The following PARP8 variants were observed in gnomAD, a reference collection of about 807,000 sequenced individuals.
The protein encoded by PARP8 is protein mono-ADP-ribosyltransferase PARP8.
PARP8 carries 51 observed loss-of-function variants against 124.1 expected under a neutral mutation model. The observed-to-expected ratio is 0.41, with a 90% CI of 0.33 to 0.52. PARP8 has a LOEUF of 0.52. Ranked by LOEUF, PARP8 falls within the 20% of genes least tolerant of loss-of-function variation. The pLI, the probability that PARP8 is intolerant of heterozygous loss-of-function variation, is 0.21. For missense variants in PARP8, 860 were observed against 1,018.9 expected, an observed-to-expected ratio of 0.84 and a Z score of 2.12; for synonymous variants, 391 against 361.5, an observed-to-expected ratio of 1.08 and a Z score of -0.93.
intron 19 of PARP8, among the ~76,000 whole-genome samples, chr5:50,827,364 A>C (rs542669468): frequency 1.3e-5 from 2 of 152,146 alleles, no homozygotes; most frequent in Non-Finnish European, 2.9e-5. Context: ...TATTCCTAAG[A>C]GAAAGGGAAA....
At chr5:50,677,615 T>C (rs186639211) in intron 2 of PARP8, among the ~76,000 whole-genome samples, 2 of 151,934 alleles carry the variant, frequency 1.3e-5, no homozygotes, top group Non-Finnish European at 2.9e-5. Flanking sequence ...TTTAAACTTA[T>C]TTTTTTTGTA....
In PARP8 at chr5:50,844,055, G is replaced by A. The variant is rs758478201; in HGVS notation, c.*1987G>A. 1.3e-5 allele frequency: 2 copies of A among 151,728 alleles called. No homozygotes were observed. Among genetic ancestry groups the A allele is most frequent in the African/African-American group, 2.4e-5 (1 of 41,378 alleles). The allele number at this position is 151,728 out of a possible 1,614,324, so 9.4% of individuals were successfully genotyped here. Reference sequence around the variant, plus strand: ...ACTTAACATTGGAGTGATCCGTAAAGAATATAGTATTGGAGTCTGAACTGG... The same window carrying A: ...ACTTAACATTGGAGTGATCCGTAAAAAATATAGTATTGGAGTCTGAACTGG... On this transcript the variant is annotated 3_prime_UTR_variant, in exon 26 of 26. Coordinates refer to ENST00000281631, the MANE Select transcript of PARP8 (RefSeq NM_024615.4).
chr5:50,760,419 C>T lies in PARP8; in HGVS notation c.345+57C>T. On this transcript the variant is annotated intron_variant, in intron 5 of 25. Transcript: ENST00000281631. ...ACAGTATAGATATATTTAAAATTTA[C>T]TGGGTTTTTGTAGTTAATAGCATCA... 3 of 1,264,230 alleles carry T rather than the reference C, an allele frequency of 2.4e-6. No individual in the cohort carries two copies. In the South Asian group the frequency reaches 5.2e-5, roughly 22 times the overall value. 78.3% of individuals were successfully genotyped at this position (1,264,230 alleles called of 1,614,324 possible).
rs376043233 is a variant in PARP8 at position 50,811,596 on chromosome 5, T to G, written c.1576-3836T>G. 3.5e-3 allele frequency among the ~76,000 whole-genome samples: 493 copies of G among 140,884 alleles called. 1 individual carries two copies. The highest frequency in any genetic ancestry group is 5.2e-3 in the Non-Finnish European group (351 of 66,960). The allele number at this position is 140,884 out of a possible 152,430, so 92.4% of individuals were successfully genotyped here. A position where few individuals can be genotyped will look rare whatever the true frequency, so the allele number is the denominator to read the frequency against. ...TATTTCATTTTATTTCCATTGGGTG[T>G]TTTTTTTTTATTCTTTAAGTTCTAG... On this transcript the variant is annotated intron_variant, in intron 14 of 25. Coordinates refer to ENST00000281631, the MANE Select transcript of PARP8 (RefSeq NM_024615.4).
chr5:50,773,950 A>G (rs1364763053), intron 7 of PARP8, among the ~76,000 whole-genome samples: 8 of 152,028 alleles, frequency 5.3e-5, no homozygotes, highest in African/African-American at 1.2e-4. Flanking sequence ...CACGTGGACA[A>G]AGGTCTCTGG....
intron 9 of PARP8, among the ~76,000 whole-genome samples, chr5:50,780,444 C>A (rs1465154735): frequency 6.6e-6 from 1 of 152,168 alleles, no homozygotes; most frequent in Non-Finnish European, 1.5e-5. Flanking sequence ...TAAGATGATA[C>A]TGAAGCATGC....
rs201631988 is a variant in PARP8, at chr5:50,843,100, C to T, written c.*1032C>T. The T allele has an allele frequency of 4.0e-5, 6 of 151,682 alleles. No individual in the cohort carries two copies. The highest frequency in any genetic ancestry group is 1.5e-4 in the African/African-American group (6 of 41,370). The allele number at this position is 151,682 out of a possible 1,614,324, so 9.4% of individuals were successfully genotyped here. A position where few individuals can be genotyped will look rare whatever the true frequency, so the allele number is the denominator to read the frequency against. On this transcript the variant is annotated 3_prime_UTR_variant, in exon 26 of 26. Transcript: ENST00000281631. ...TTTTCATATTGAGAAAGAACACAAA[C>T]TTGATGCTTCTTTTATATTAAAAGA...
In PARP8 at chr5:50,759,162, G is replaced by A. The variant is rs1218912088; in HGVS notation, c.185-481G>A. Among the ~76,000 whole-genome samples the A allele has an allele frequency of 4.6e-5, 7 of 152,068 alleles. No homozygotes were observed. In the East Asian group the frequency reaches 5.8e-4, roughly 13 times the overall value. The stretch of plus-strand genomic sequence containing the variant: ...TCAAACTCCTGACCTCGAGTGACCC[G>A]CCTGCCTAGGCCTCCCAAAGAGCTA... On this transcript the variant is annotated intron_variant, in intron 3 of 25. Coordinates refer to ENST00000281631, the MANE Select transcript of PARP8 (RefSeq NM_024615.4).
At chr5:50,836,967 T>C (rs983537520) in intron 25 of PARP8, among the ~76,000 whole-genome samples, 1 of 152,162 alleles carries the variant, frequency 6.6e-6, no homozygotes, top group Non-Finnish European at 1.5e-5. Context: ...TTGAGCCAAA[T>C]AAACAACCTT....
intron 7 of PARP8, among the ~76,000 whole-genome samples, chr5:50,768,959 G>C (rs1288490883): frequency 6.6e-6 from 1 of 152,176 alleles, no homozygotes; most frequent in African/African-American, 2.4e-5. Context: ...ACTATTTATA[G>C]ATCTACACCT....
At chr5:50,678,303 A>C (rs1404531596) in intron 2 of PARP8, among the ~76,000 whole-genome samples, 1 of 152,204 alleles carries the variant, frequency 6.6e-6, no homozygotes, top group Non-Finnish European at 1.5e-5. Context: ...CTGTGTTTGA[A>C]TATTGAGCTT....
At chr5:50,694,293 G>T (rs1752800015) in intron 2 of PARP8, among the ~76,000 whole-genome samples, 1 of 152,228 alleles carries the variant, frequency 6.6e-6, no homozygotes, top group Non-Finnish European at 1.5e-5. Context: ...TGGGATATTA[G>T]AATTCTTTTT....
In PARP8 at chr5:50,779,996, T is replaced by G. The variant is rs373428811; in HGVS notation, c.670+1346T>G. The stretch of plus-strand genomic sequence containing the variant: ...GTTTAAAATATTTTTATTCTGATAA[T>G]TTCAGATATATAAATATGTAATAAG... On this transcript the variant is annotated intron_variant, in intron 9 of 25. Transcript: ENST00000281631. Among the ~76,000 whole-genome samples the G allele has an allele frequency of 2.6e-5, 4 of 152,160 alleles. No individual in the cohort carries two copies. The South Asian group carries it at 6.2e-4, about 24-fold the overall frequency.
chr5:50,741,965 C>T (rs1223846340), intron 2 of PARP8: 7 of 374,600 alleles, frequency 1.9e-5, no homozygotes, highest in African/African-American at 6.6e-5. Context: ...CACACAACCA[C>T]GCCTGGCTAA....
chr5:50,714,034 A>G lies in PARP8; in HGVS notation c.147-36117A>G, dbSNP rs75961995. Among the ~76,000 whole-genome samples the G allele has an allele frequency of 8.5e-3, 1,286 of 150,666 alleles. 18 individuals carry two copies. Among genetic ancestry groups the G allele is most frequent in the Non-Finnish European group, 0.013 (870 of 67,752 alleles). On this transcript the variant is annotated intron_variant, in intron 2 of 25. Transcript: ENST00000281631. ...ACCTACCAGATCTGTAAGATGATAC[A>G]TTTGTGGCATTTTAAGCCACTGATG...
At chr5:50,704,132 G>C (rs959763321) in intron 2 of PARP8, among the ~76,000 whole-genome samples, 1 of 151,996 alleles carries the variant, frequency 6.6e-6, no homozygotes, top group Non-Finnish European at 1.5e-5. Flanking sequence ...CTAGCAGAGA[G>C]GTTGCCAAAT....
At position 50,834,948 on chromosome 5, in the gene PARP8, C is replaced by A; in HGVS notation, c.2395C>A (p.Leu799Met). 1 of 1,613,238 alleles carries A rather than the reference C, an allele frequency of 6.2e-7. No individual in the cohort carries two copies. Among genetic ancestry groups the A allele is most frequent in the Non-Finnish European group, 8.5e-7 (1 of 1,179,508 alleles). ...CTTAACAGTGATCACCTCATCTGACCTGCACAAACATGGAGAGATATGGGT... is the reference window on the plus strand; with the variant it reads ...CTTAACAGTGATCACCTCATCTGACATGCACAAACATGGAGAGATATGGGT... ...ALCEVITSSDLHKHGEIWVVP... is the reference protein window; with the variant it reads ...ALCEVITSSDMHKHGEIWVVP... Residue 799 changes from leucine (L) to methionine (M), a missense_variant, in exon 25 of 26, where the codon CTG becomes ATG. By Grantham distance (15) the Leu-to-Met change is conservative. Coordinates refer to ENST00000281631, the MANE Select transcript of PARP8 (RefSeq NM_024615.4).
At chr5:50,754,150 T>TATATATACACACAC (rs1312947286) in intron 3 of PARP8, among the ~76,000 whole-genome samples, 2 of 37,216 alleles carry the variant, frequency 5.4e-5, no homozygotes, top group African/African-American at 2.4e-4. Flanking sequence ...TATATATATA[T>TATATATACACACAC]ACACACACAC....
intron 2 of PARP8, among the ~76,000 whole-genome samples, chr5:50,727,064 G>C (rs1241096484): frequency 6.6e-6 from 1 of 152,158 alleles, no homozygotes; most frequent in African/African-American, 2.4e-5. Flanking sequence ...TCTGAAGGTT[G>C]TGAGAAAAAC....
Sources: allele counts gnomAD v4.1 joint callset (sites outside exome capture counted in the v4.1 genomes callset), GRCh38; gene constraint gnomAD v4.1.1; transcripts MANE v1.5; gene names NCBI Gene and HGNC (gene_info 2026-07-23, HGNC 2026-07-21).